The following TNXB variants were observed in gnomAD, a reference collection of about 807,000 sequenced individuals.
TNXB encodes the protein tenascin-X.
TNXB carries 183 observed loss-of-function variants against 340.5 expected under a neutral mutation model. The ratio of observed to expected loss-of-function variants is 0.54; its 90% CI spans 0.48 to 0.61. The LOEUF is 0.61. Among genes scored for constraint, TNXB ranks in the 20% least tolerant of loss-of-function variants. The probability of loss-of-function intolerance (pLI) is 0.00; values close to 1 mark genes in which losing one functional copy is unlikely to be tolerated. For missense variants in TNXB, 4,613 were observed against 5,446.4 expected, an observed-to-expected ratio of 0.85 and a Z score of 4.82; for synonymous variants, 2,121 against 2,314.5, an observed-to-expected ratio of 0.92 and a Z score of 2.40.
At chr6:32,106,315 TGA>T (rs1780978403) in intron 1 of TNXB, among the ~76,000 whole-genome samples, 2 of 151,690 alleles carry the variant, frequency 1.3e-5, no homozygotes, top group African/African-American at 4.9e-5. Flanking sequence ...ATGGCAAACC[TGA>T]GTGTGAGGGG....
At chr6:32,076,772 A>T (rs1779102045) in intron 11 of TNXB, among the ~76,000 whole-genome samples, 1 of 152,202 alleles carries the variant, frequency 6.6e-6, no homozygotes, top group African/African-American at 2.4e-5. Context: ...ATCTGAGGTC[A>T]GAAGTTCGAG....
Position 32,097,912 on chromosome 6 carries a change from A to T in TNXB, c.287T>A (p.Leu96His), listed in dbSNP as rs1780503217. Residue 96 changes from leucine to histidine, a missense_variant, in exon 2 of 44, where the codon CTT (leucine) becomes CAT (histidine). By Grantham distance (99) the Leu-to-His change is moderately conservative. Transcript: ENST00000644971. The surrounding 1 kb of genome is among the most constrained non-coding windows in gnomAD (Gnocchi z 5.9). ...CCTCAGGGCCTGTACCTCTGAAGCA[A>T]GGACTGGGGGCTCGGTGCCTGGGGG... ...GCPPGTEPPVLASEVQALRVR... is the reference protein window; with the variant it reads ...GCPPGTEPPVHASEVQALRVR... 6.3e-7 allele frequency: 1 copy of T among 1,587,856 alleles called. No homozygotes were observed. Among genetic ancestry groups the T allele is most frequent in the Non-Finnish European group, 8.6e-7 (1 of 1,162,430 alleles).
At position 32,068,876 on chromosome 6, in the gene TNXB, A is replaced by G; in HGVS notation, c.5848T>C (p.Tyr1950His). The G allele has an allele frequency of 6.2e-7, 1 of 1,612,636 alleles. No homozygotes were observed. The highest frequency in any genetic ancestry group is 8.5e-7 in the Non-Finnish European group (1 of 1,179,672). Residue 1950 changes from tyrosine (Y) to histidine (H), a missense_variant, in exon 16 of 44, where the codon TAT becomes CAT. Transcript: ENST00000644971. The surrounding 1 kb of genome is among the most constrained non-coding windows in gnomAD (Gnocchi z 5.3). Reference sequence around the variant, plus strand: ...ACATGCTTCCCATCACTGAAACCATACAGGGTCACCAGGTATCTGTGGTCG... The same window carrying G: ...ACATGCTTCCCATCACTGAAACCATGCAGGGTCACCAGGTATCTGTGGTCG... Reference protein sequence around the residue: ...ESDHRYLVTLYGFSDGKHVGP... With the variant: ...ESDHRYLVTLHGFSDGKHVGP...
In TNXB at chr6:32,050,110, G is replaced by T. The variant is rs769053134; in HGVS notation, c.9327C>A (p.His3109Gln). The T allele has an allele frequency of 1.2e-5, 20 of 1,613,580 alleles. No individual in the cohort carries two copies. The highest frequency in any genetic ancestry group is 1.5e-5 in the Non-Finnish European group (18 of 1,179,878). The change falls in exon 27 of 44, where the codon CAC (histidine) becomes CAA (glutamine). Residue 3109 changes from histidine to glutamine, a missense_variant. Coordinates refer to ENST00000644971, the MANE Select transcript of TNXB (RefSeq NM_001365276.2). ...GQPKAVRVPGHEDGVTISGLE... is the reference protein window; with the variant it reads ...GQPKAVRVPGQEDGVTISGLE... ...GGCCTGAGATGGTGACCCCGTCCTC[G>T]TGCCCCGGCACCCGCACCGCCTTGG...
chr6:32,085,650 T>C lies in TNXB; in HGVS notation c.3148+100A>G. On this transcript the variant is annotated intron_variant, in intron 7 of 43. Coordinates refer to ENST00000644971, the MANE Select transcript of TNXB (RefSeq NM_001365276.2). This position sits in a 1 kb window ranked among gnomAD's most constrained non-coding sequence, Gnocchi z 6.4. ...CCAGCCCCAAACATCAGCCCTGCCC[T>C]TCACTGGCCCCTCAATATCCATCCT... is the stretch of plus-strand genomic sequence containing the variant. The C allele has an allele frequency of 1.5e-6, 2 of 1,363,146 alleles. No individual in the cohort carries two copies. The highest frequency in any genetic ancestry group is 3.9e-5 in the South Asian group (2 of 51,334). 84.4% of individuals were successfully genotyped at this position (1,363,146 alleles called of 1,614,324 possible).
rs374770033 is a variant in TNXB, at chr6:32,068,756, G to C, written c.5903-49C>G. 2 of 1,597,572 alleles carry C rather than the reference G, an allele frequency of 1.3e-6. No individual in the cohort carries two copies. Among genetic ancestry groups the C allele is most frequent in the Admixed American group, 1.7e-5 (1 of 59,464 alleles). ...GGACTGAGGTGGGCAGGGTATCCGC[G>C]GGACTCTGCTGTCCTCTGGACTCTC... On this transcript the variant is annotated intron_variant, in intron 16 of 43. Coordinates refer to ENST00000644971, the MANE Select transcript of TNXB (RefSeq NM_001365276.2). The surrounding 1 kb of genome is among the most constrained non-coding windows in gnomAD (Gnocchi z 5.3).
At position 32,049,249 on chromosome 6, in the gene TNXB, AG is replaced by A; in HGVS notation, c.9757+20del. 6.2e-7 allele frequency: 1 copy of A among 1,600,542 alleles called. No homozygotes were observed. The highest frequency in any genetic ancestry group is 8.5e-7 in the Non-Finnish European group (1 of 1,171,556). On this transcript the variant is annotated intron_variant, in intron 28 of 43. Coordinates refer to ENST00000644971, the MANE Select transcript of TNXB (RefSeq NM_001365276.2). This position sits in a 1 kb window ranked among gnomAD's most constrained non-coding sequence, Gnocchi z 4.5. ...GGCTGCAGAGGTAAACCTGGGGACG[AG>A]GGCCTGTCCCCCCACTCACCCGTGA...
At chr6:32,086,436 C>A (rs987952943) in intron 6 of TNXB, among the ~76,000 whole-genome samples, 16 of 152,324 alleles carry the variant, frequency 1.1e-4, no homozygotes, top group East Asian at 5.8e-4. Flanking sequence ...ACATCCCCCC[C>A]ACTGGGTGGT....
chr6:32,060,658 T>C (rs1777952349), intron 21 of TNXB, among the ~76,000 whole-genome samples: 1 of 151,982 alleles, frequency 6.6e-6, no homozygotes. Context: ...TCTTCTTTTT[T>C]GAGACTGAGT....
Position 32,079,150 on chromosome 6 carries a change from C to T in TNXB, c.4258G>A (p.Gly1420Ser). ...DGRPRAVRVG[G>S]KESEVTVGGL... ...CCCACGGTGACCTCACTCTCCTTGCCCCCAACACGCACCGCCCGGGGCCGC... is the reference window on the plus strand; with the variant it reads ...CCCACGGTGACCTCACTCTCCTTGCTCCCAACACGCACCGCCCGGGGCCGC... Residue 1420 changes from glycine to serine, a missense_variant, in exon 11 of 44, where the codon GGC (glycine) becomes AGC (serine). Coordinates refer to ENST00000644971, the MANE Select transcript of TNXB (RefSeq NM_001365276.2). The surrounding 1 kb of genome is among the most constrained non-coding windows in gnomAD (Gnocchi z 7.1). 1 of 1,613,886 alleles carries T rather than the reference C, an allele frequency of 6.2e-7. No individual in the cohort carries two copies. Among genetic ancestry groups the T allele is most frequent in the East Asian group, 2.2e-5 (1 of 44,878 alleles).
chr6:32,095,906 G>A lies in TNXB; in HGVS notation c.1947C>T (p.Thr649=), dbSNP rs765416806. The change falls in exon 3 of 44, where the codon ACC becomes ACT. Residue 649 remains threonine (T), a synonymous_variant. Transcript: ENST00000644971. ...DPGYTGPTCA[T]RMCPADCRGR... ...CCCGGCAGTCAGCCGGGCACATGCG[G>A]GTGGCACAGGTAGGGCCGGTGTAGC... is the stretch of plus-strand genomic sequence containing the variant. The A allele has an allele frequency of 1.2e-6, 2 of 1,612,660 alleles. No individual in the cohort carries two copies. The highest frequency in any genetic ancestry group is 8.5e-7 in the Non-Finnish European group (1 of 1,179,524).
At chr6:32,060,558 G>T (rs188041517) in intron 21 of TNXB, among the ~76,000 whole-genome samples, 1 of 151,918 alleles carries the variant, frequency 6.6e-6, no homozygotes, top group African/African-American at 2.4e-5. Flanking sequence ...CAGGCAACCC[G>T]TGGGATGTGT....
In TNXB at chr6:32,085,541, C is replaced by A. The variant is rs1034953701; in HGVS notation, c.3148+209G>T. ...CTCTGCCTCTTTCCCCTCTCCCCAC[C>A]CATCCTTATCATTGTTTTAAGATCC... On this transcript the variant is annotated intron_variant, in intron 7 of 43. Coordinates refer to ENST00000644971, the MANE Select transcript of TNXB (RefSeq NM_001365276.2). This position sits in a 1 kb window ranked among gnomAD's most constrained non-coding sequence, Gnocchi z 6.4. Among the ~76,000 whole-genome samples the A allele has an allele frequency of 3.3e-5, 5 of 152,142 alleles. No homozygotes were observed. Among genetic ancestry groups the A allele is most frequent in the Non-Finnish European group, 7.4e-5 (5 of 68,022 alleles).
chr6:32,048,064 C>T (rs963761372), intron 29 of TNXB, 52 bp from the exon 30 acceptor site: 16 of 1,569,616 alleles, frequency 1.0e-5, no homozygotes, highest in Admixed American at 3.4e-5. Flanking sequence ...AAAGGGGCCA[C>T]GGAGCTTCCT....
chr6:32,049,959 C>T lies in TNXB; in HGVS notation c.9439+39G>A, dbSNP rs1333673772. ...TCACCAAAGAGCAAGAGGTGGCCCT[C>T]CCACAGCTCCCACCCTGGGGCTCCC... is the stretch of plus-strand genomic sequence containing the variant. On this transcript the variant is annotated intron_variant, in intron 27 of 43. Transcript: ENST00000644971. The surrounding 1 kb of genome is among the most constrained non-coding windows in gnomAD (Gnocchi z 4.5). The T allele has an allele frequency of 1.2e-6, 2 of 1,611,038 alleles. No individual in the cohort carries two copies. Among genetic ancestry groups the T allele is most frequent in the East Asian group, 4.5e-5 (2 of 44,820 alleles).
rs1171206504 is a variant in TNXB at position 32,070,735 on chromosome 6, G to T, written c.4991-321C>A. ...CAGGGTGCAGCTTCTTACAGACTGGGTCTCTATCTCCTCTTACCCAGGAGC... is the reference window on the plus strand; with the variant it reads ...CAGGGTGCAGCTTCTTACAGACTGGTTCTCTATCTCCTCTTACCCAGGAGC... On this transcript the variant is annotated intron_variant, in intron 13 of 43. Coordinates refer to ENST00000644971, the MANE Select transcript of TNXB (RefSeq NM_001365276.2). This position sits in a 1 kb window ranked among gnomAD's most constrained non-coding sequence, Gnocchi z 6.0. Among the ~76,000 whole-genome samples, 2 of 152,160 alleles carry T rather than the reference G, an allele frequency of 1.3e-5. No individual in the cohort carries two copies. The highest frequency in any genetic ancestry group is 2.1e-4 in the South Asian group (1 of 4,828).
Position 32,097,050 on chromosome 6 carries a change from G to C in TNXB, c.803C>G (p.Pro268Arg), listed in dbSNP as rs1355946904. 3.1e-6 allele frequency: 5 copies of C among 1,613,180 alleles called. No individual in the cohort carries two copies. Among genetic ancestry groups the C allele is most frequent in the Non-Finnish European group, 3.4e-6 (4 of 1,179,646 alleles). The change falls in exon 3 of 44, where the codon CCA becomes CGA. Residue 268 changes from proline to arginine, a missense_variant. Coordinates refer to ENST00000644971, the MANE Select transcript of TNXB (RefSeq NM_001365276.2). The surrounding 1 kb of genome is among the most constrained non-coding windows in gnomAD (Gnocchi z 5.9). ...GCCACAGTCGTCACCAGTGTAGCCT[G>C]GGTCACACACGCAGCGCCCACCCTC... ...RCEGGRCVCD[P>R]GYTGDDCGMR...
At position 32,085,521 on chromosome 6, in the gene TNXB, C is replaced by T. The variant is rs905032084; in HGVS notation, c.3148+229G>A. On this transcript the variant is annotated intron_variant, in intron 7 of 43. Coordinates refer to ENST00000644971, the MANE Select transcript of TNXB (RefSeq NM_001365276.2). The surrounding 1 kb of genome is among the most constrained non-coding windows in gnomAD (Gnocchi z 6.4). ...CCCACCCTCGGCCTTTTTACCTCTG[C>T]CTCTTTCCCCTCTCCCCACCCATCC... Among the ~76,000 whole-genome samples the T allele has an allele frequency of 2.6e-5, 4 of 152,052 alleles. No homozygotes were observed. The highest frequency in any genetic ancestry group is 4.2e-4 in the South Asian group (2 of 4,810).
Position 32,062,280 on chromosome 6 carries a change from C to A in TNXB, c.7045G>T (p.Val2349Leu), listed in dbSNP as rs774516957. Residue 2349 changes from valine to leucine, a missense_variant, in exon 20 of 44, where the codon GTG becomes TTG. Physicochemically the swap from Val to Leu is conservative, Grantham distance 32. Coordinates refer to ENST00000644971, the MANE Select transcript of TNXB (RefSeq NM_001365276.2). This position sits in a 1 kb window ranked among gnomAD's most constrained non-coding sequence, Gnocchi z 4.3. Reference protein sequence around the residue: ...NGDGQPKATRVPGHEDRVTIS... With the variant: ...NGDGQPKATRLPGHEDRVTIS... ...GTGACCCTGTCCTCATGTCCTGGCA[C>A]CCGTGTTGCCTTGGGCTGCCCATCC... 2.5e-6 allele frequency: 4 copies of A among 1,613,388 alleles called. No individual in the cohort carries two copies. The highest frequency in any genetic ancestry group is 2.2e-5 in the South Asian group (2 of 91,078).
Sources: allele counts gnomAD v4.1 joint callset (sites outside exome capture counted in the v4.1 genomes callset), GRCh38; gene constraint gnomAD v4.1.1; non-coding constraint Gnocchi (gnomAD v3.1); transcripts MANE v1.5; gene names NCBI Gene and HGNC (gene_info 2026-07-23, HGNC 2026-07-21).